The following NAPRT variants were observed in gnomAD, a reference collection of about 807,000 sequenced individuals.
The protein encoded by NAPRT is FHA-HIT-interacting protein.
In NAPRT, 66 loss-of-function variants were observed where a neutral mutation model predicts 60.7. The ratio of observed to expected loss-of-function variants is 1.09; its 90% CI spans 0.89 to 1.33. NAPRT has a LOEUF of 1.33. NAPRT is among the 40% of genes most tolerant of loss of function. NAPRT has a pLI of 0.00. For missense variants in NAPRT, 818 were observed against 731.5 expected (o/e 1.12, Z -1.36); for synonymous variants, 405 against 335.7 (o/e 1.21, Z -2.26).
chr8:143,577,781 C>T (rs756552992), intron 2 of NAPRT, 35 bp downstream of exon 2: 5 of 1,576,290 alleles, frequency 3.2e-6, no homozygotes, highest in African/African-American at 1.3e-5. Flanking sequence ...CCCAGCACCC[C>T]GTGGCCGCCG....
chr8:143,576,962 G>C lies in NAPRT; in HGVS notation c.684+100C>G. On this transcript the variant is annotated intron_variant, in intron 5 of 12. Coordinates refer to ENST00000449291, the MANE Select transcript of NAPRT (RefSeq NM_145201.6). ...CAGCCCGTGCCAGCTTCCTGGGACAGCACTGGGGTGACCTGCCTGGGTGGC... is the reference window on the plus strand; with the variant it reads ...CAGCCCGTGCCAGCTTCCTGGGACACCACTGGGGTGACCTGCCTGGGTGGC... 3 of 1,506,364 alleles carry C rather than the reference G, an allele frequency of 2.0e-6. No homozygotes were observed. The South Asian group carries it at 3.6e-5, about 18-fold the overall frequency. The allele number at this position is 1,506,364 out of a possible 1,614,324, so 93.3% of individuals were successfully genotyped here.
chr8:143,573,181 G>A (rs538808317), downstream of NAPRT, among the ~76,000 whole-genome samples: 3 of 152,050 alleles, frequency 2.0e-5, no homozygotes, highest in East Asian at 1.9e-4. Flanking sequence ...TGGGGCTAGG[G>A]GCTGGCCCCG....
downstream of NAPRT, among the ~76,000 whole-genome samples, chr8:143,573,256 C>T (rs554562610): frequency 6.6e-6 from 1 of 152,336 alleles, no homozygotes; most frequent in East Asian, 1.9e-4. Context: ...ACAGGCATGA[C>T]TGGGTGAGCT....
Position 143,577,741 on chromosome 8 carries a change from T to C in NAPRT, c.355-2A>G, listed in dbSNP as rs1291208952. The C allele has an allele frequency of 6.4e-7, 1 of 1,552,252 alleles. No homozygotes were observed. The highest frequency in any genetic ancestry group is 1.4e-5 in the African/African-American group (1 of 73,530). On this transcript the variant is annotated splice_acceptor_variant, in intron 2 of 12. Transcript: ENST00000449291. LOFTEE classifies it high-confidence loss of function. ...CCCGGACACCTGCAGGAGCGGCACC[T>C]GCGGGGAGAGAAGTCAGCTCCGCGC...
In NAPRT at chr8:143,575,079, G is replaced by C. The variant is rs981762960; in HGVS notation, c.1461C>G (p.Leu487=). 6.6e-7 allele frequency: 1 copy of C among 1,513,260 alleles called. No individual in the cohort carries two copies. Among genetic ancestry groups the C allele is most frequent in the Non-Finnish European group, 8.9e-7 (1 of 1,125,642 alleles). The allele number at this position is 1,513,260 out of a possible 1,614,324, so 93.7% of individuals were successfully genotyped here. A position where few individuals can be genotyped will look rare whatever the true frequency, so the allele number is the denominator to read the frequency against. ...AGGCTCTAGACTCTGCCAGGGATGG[G>C]AGCGGCTCACACAGCTGCAGGGAGG... ...CLQQGQLCEP[L]PSLAESRALA... Residue 487 remains leucine (L), a synonymous_variant, in exon 12 of 13, where the codon CTC becomes CTG. Transcript: ENST00000449291.
At position 143,577,133 on chromosome 8, in the gene NAPRT, C is replaced by G; in HGVS notation, c.613G>C (p.Val205Leu). ...SNVLAGQLRG[V>L]PVAGTLAHSF... ...TGGGCCAGGGTCCCGGCCACCGGCA[C>G]ACCTCGCAGCTGGCCCGCTAGCACG... Residue 205 changes from valine to leucine, a missense_variant, in exon 5 of 13, where the codon GTG becomes CTG. Transcript: ENST00000449291. The G allele has an allele frequency of 6.2e-7, 1 of 1,612,960 alleles. No individual in the cohort carries two copies. The highest frequency in any genetic ancestry group is 8.5e-7 in the Non-Finnish European group (1 of 1,179,928).
intron 7 of NAPRT, 112 bp from the exon 8 acceptor site, chr8:143,576,274 C>T (rs1824448674): frequency 2.2e-6 from 3 of 1,377,342 alleles, no homozygotes; most frequent in Non-Finnish European, 2.0e-6. Context: ...TGCTCACCTT[C>T]TGCTTGGGAG....
At chr8:143,577,475 T>C in intron 3 of NAPRT, 76 bp from the exon 4 acceptor site, 1 of 1,513,158 alleles carries the variant, frequency 6.6e-7, no homozygotes, top group Non-Finnish European at 8.9e-7. Flanking sequence ...ACCTGGGGCC[T>C]GGAACTTCCA....
chr8:143,573,191 G>A (rs1036924845), downstream of NAPRT, among the ~76,000 whole-genome samples: 13 of 151,476 alleles, frequency 8.6e-5, no homozygotes, highest in Non-Finnish European at 2.9e-5. Context: ...GGCTGGCCCC[G>A]CCCCCTGCAC....
At chr8:143,578,023 G>A in intron 1 of NAPRT, 70 bp downstream of exon 1, 2 of 1,528,444 alleles carry the variant, frequency 1.3e-6, no homozygotes, top group Non-Finnish European at 1.8e-6. Context: ...GGGGGGACAA[G>A]GACTTCCACC....
In NAPRT at chr8:143,575,344, C is replaced by A. The variant is rs752094147; in HGVS notation, c.1293G>T (p.Gly431=). 1.9e-6 allele frequency: 3 copies of A among 1,610,814 alleles called. No individual in the cohort carries two copies. Among genetic ancestry groups the A allele is most frequent in the Non-Finnish European group, 8.5e-7 (1 of 1,178,248 alleles). The change falls in exon 11 of 13, where the codon GGG becomes GGT. Residue 431 remains glycine (G), a splice_region_variant and synonymous_variant. Coordinates refer to ENST00000449291, the MANE Select transcript of NAPRT (RefSeq NM_145201.6). ...KAAFRLLGSD[G]SPLMDMLQLA... is the part of the protein sequence containing the mutation. ...ACTGCAGCATGTCCATGAGTGGAGA[C>A]CCTGTGTGGACGGGGCAAGAATAAG... is the stretch of plus-strand genomic sequence containing the variant.
chr8:143,578,147 C>A lies in NAPRT; in HGVS notation c.172G>T (p.Ala58Ser), dbSNP rs2130702471. The A allele has an allele frequency of 6.6e-7, 1 of 1,520,294 alleles. No homozygotes were observed. The allele number at this position is 1,520,294 out of a possible 1,614,324, so 94.2% of individuals were successfully genotyped here. A position where few individuals can be genotyped will look rare whatever the true frequency, so the allele number is the denominator to read the frequency against. Residue 58 changes from alanine (A) to serine (S), a missense_variant, in exon 1 of 13, where the codon GCC becomes TCC. Coordinates refer to ENST00000449291, the MANE Select transcript of NAPRT (RefSeq NM_145201.6). ...CPFGGAFALA[A>S]GLRDCVRFLR... ...AAGCGCACACAGTCGCGCAAGCCGG[C>A]GGCCAAGGCGAAGGCGCCGCCGAAC...
rs199843319 is a variant in NAPRT at position 143,576,799 on chromosome 8, G to A, written c.728C>T (p.Ala243Val). The change falls in exon 6 of 13, where the codon GCG (alanine) becomes GTG (valine). Residue 243 changes from alanine (A) to valine (V), a missense_variant. Physicochemically the swap from Ala to Val is moderately conservative, Grantham distance 64. Transcript: ENST00000449291. ...AAGEGPGVDL[A>V]AKAQVWLEQV... The stretch of plus-strand genomic sequence containing the variant: ...CTCCAGCCACACCTGGGCTTTGGCC[G>A]CCAGGTCCACCCCAGGGCCCTCACC... The A allele has an allele frequency of 1.2e-4, 185 of 1,607,218 alleles. No homozygotes were observed. The highest frequency in any genetic ancestry group is 2.2e-4 in the Middle Eastern group (1 of 4,536).
Position 143,575,502 on chromosome 8 carries a change from T to C in NAPRT, c.1212A>G (p.Pro404=), listed in dbSNP as rs761133109. Residue 404 remains proline, a synonymous_variant, in exon 10 of 13, where the codon CCA becomes CCG. Coordinates refer to ENST00000449291, the MANE Select transcript of NAPRT (RefSeq NM_145201.6). The stretch of plus-strand genomic sequence containing the variant: ...CGGGGTCCTCGGTCAGCTTCATTCG[T>C]GGCTGGCCCCCCACGGCCACCAGCT... ...VYKLVAVGGQ[P]RMKLTEDPEK... is the part of the protein sequence containing the mutation. The C allele has an allele frequency of 1.1e-5, 17 of 1,599,004 alleles. No individual in the cohort carries two copies. The highest frequency in any genetic ancestry group is 1.7e-5 in the Admixed American group (1 of 59,792).
chr8:143,576,300 A>G, intron 7 of NAPRT, 132 bp downstream of exon 7: 1 of 1,411,722 alleles, frequency 7.1e-7, no homozygotes, highest in South Asian at 1.4e-5. Flanking sequence ...AGGGAGCCCC[A>G]CCACTTACTT....
At chr8:143,577,507 C>G (rs1389584257) in intron 3 of NAPRT, 108 bp from the exon 4 acceptor site, 5 of 1,461,388 alleles carry the variant, frequency 3.4e-6, no homozygotes, top group Middle Eastern at 2.4e-4. Flanking sequence ...CCACCCTCAC[C>G]CAGCCCCTCC....
At chr8:143,575,372 G>A in intron 10 of NAPRT, 27 bp from the exon 11 acceptor site, 1 of 1,601,154 alleles carries the variant, frequency 6.2e-7, no homozygotes, top group South Asian at 1.1e-5. Flanking sequence ...AGAATAAGCG[G>A]GGGCCCTGGT....
At position 143,576,644 on chromosome 8, in the gene NAPRT, A is replaced by G; in HGVS notation, c.881+2T>C. 1 of 1,606,686 alleles carries G rather than the reference A, an allele frequency of 6.2e-7. No individual in the cohort carries two copies. The highest frequency in any genetic ancestry group is 1.1e-5 in the South Asian group (1 of 90,740). On this transcript the variant is annotated splice_donor_variant, in intron 6 of 12. Transcript: ENST00000449291. LOFTEE classifies it high-confidence loss of function. ...GCCCACCCCTAAAGTGCCCGGGCTC[A>G]CCTCCACACGCTGTAGGTGTCCAGG...
rs747478503 is a variant in NAPRT at position 143,576,635 on chromosome 8, C to T, written c.881+11G>A. On this transcript the variant is annotated intron_variant, in intron 6 of 12. Transcript: ENST00000449291. ...TTCTGCTGAGCCCACCCCTAAAGTG[C>T]CCGGGCTCACCTCCACACGCTGTAG... is the stretch of plus-strand genomic sequence containing the variant. 3.1e-5 allele frequency: 49 copies of T among 1,605,512 alleles called. No homozygotes were observed. Among genetic ancestry groups the T allele is most frequent in the Non-Finnish European group, 4.2e-5 (49 of 1,175,088 alleles).
Sources: gnomAD v4.1 joint callset for allele counts (sites outside exome capture counted in the v4.1 genomes callset) on GRCh38, gnomAD v4.1.1 for gene constraint, MANE v1.5 for transcripts, NCBI Gene and HGNC (gene_info 2026-07-23, HGNC 2026-07-21) for gene names.